ULK4: variants seen among roughly 807,000 people sequenced by gnomAD.
The protein encoded by ULK4 is unc-51 like kinase 4.
In ULK4, 133 loss-of-function variants were observed where a neutral mutation model predicts 160.6. The observed-to-expected ratio is 0.83, with a 90% CI of 0.72 to 0.96. The LOEUF is 0.96. ULK4 is among the 40% of genes least tolerant of loss of function. ULK4 has a pLI of 0.00. For missense variants in ULK4, 1,580 were observed against 1,499.5 expected (o/e 1.05, Z -0.89); for synonymous variants, 534 against 539.8 (o/e 0.99, Z 0.15).
intron 34 of ULK4, among the ~76,000 whole-genome samples, chr3:41,434,688 C>G (rs1326433404): frequency 2.0e-5 from 3 of 152,100 alleles, no homozygotes; most frequent in African/African-American, 7.2e-5. Flanking sequence ...CAGAAGGGGG[C>G]AAATCCGCCC....
chr3:41,765,028 A>G (rs1217279432), intron 21 of ULK4, among the ~76,000 whole-genome samples: 1 of 152,136 alleles, frequency 6.6e-6, no homozygotes, highest in African/African-American at 2.4e-5. Flanking sequence ...AACTAGAAAT[A>G]CCATTTGACC....
At chr3:41,856,616 C>CACATATATATATATGTGTATATATATAT (rs2042370155) in intron 17 of ULK4, among the ~76,000 whole-genome samples, 1 of 73,398 alleles carries the variant, frequency 1.4e-5, no homozygotes, top group Non-Finnish European at 2.6e-5. Flanking sequence ...TATATATATA[C>CACATATATATATATGTGTATATATATAT]ACATATATAT....
chr3:41,709,806 A>G (rs1176879942), intron 25 of ULK4, among the ~76,000 whole-genome samples: 1 of 152,230 alleles, frequency 6.6e-6, no homozygotes, highest in Non-Finnish European at 1.5e-5. Context: ...ATGTTGAATA[A>G]GAAACTCAGA....
chr3:41,487,599 G>A (rs1340016740), intron 32 of ULK4, among the ~76,000 whole-genome samples: 1 of 152,046 alleles, frequency 6.6e-6, no homozygotes, highest in East Asian at 1.9e-4. Flanking sequence ...CAAATTCTAT[G>A]AGGAATAAGT....
At chr3:41,596,965 C>T (rs1317539859) in intron 31 of ULK4, among the ~76,000 whole-genome samples, 1 of 152,144 alleles carries the variant, frequency 6.6e-6, no homozygotes, top group East Asian at 1.9e-4. Flanking sequence ...TTAGTAGCAT[C>T]CCTGACTTCT....
At chr3:41,886,409 G>A (rs9839101) in intron 16 of ULK4, among the ~76,000 whole-genome samples, 132,810 of 152,070 alleles carry the variant, frequency 0.87, 59,678 homozygotes, top group Non-Finnish European at 0.98. Context: ...CAAAATAACT[G>A]AACACACTAG....
chr3:41,773,603 T>G (rs2039488783), intron 21 of ULK4, among the ~76,000 whole-genome samples: 1 of 152,300 alleles, frequency 6.6e-6, no homozygotes, highest in Non-Finnish European at 1.5e-5. Context: ...CATTCCATGC[T>G]CATGGATAGG....
chr3:41,867,304 C>A (rs1696927515), intron 17 of ULK4, among the ~76,000 whole-genome samples: 1 of 152,180 alleles, frequency 6.6e-6, no homozygotes, highest in African/African-American at 2.4e-5. Context: ...AGGGCACTTA[C>A]CGGAAATGCG....
rs567853133 is a variant in ULK4, at chr3:41,357,426, G to A, written c.3678+40653C>T. On this transcript the variant is annotated intron_variant, in intron 35 of 36. Coordinates refer to ENST00000301831, the MANE Select transcript of ULK4 (RefSeq NM_017886.4). The stretch of plus-strand genomic sequence containing the variant: ...GGGTAGAACGCTCTCCGGAGTGCTC[G>A]GCTGGCAGGAACACCCCACAGCCTA... Among the ~76,000 whole-genome samples the A allele has an allele frequency of 7.9e-5, 12 of 152,172 alleles. No individual in the cohort carries two copies. The South Asian group carries it at 1.7e-3, about 21-fold the overall frequency.
intron 32 of ULK4, among the ~76,000 whole-genome samples, chr3:41,560,172 T>C (rs1272582660): frequency 3.3e-5 from 5 of 152,214 alleles, no homozygotes; most frequent in African/African-American, 1.2e-4. Context: ...CAGATGGTTG[T>C]AGATGAGTGG....
intron 18 of ULK4, among the ~76,000 whole-genome samples, chr3:41,825,270 G>A (rs1188828784): frequency 6.6e-6 from 1 of 152,218 alleles, no homozygotes; most frequent in African/African-American, 2.4e-5. Context: ...CTCCTCCAAA[G>A]GAATGCAGCT....
At position 41,705,131 on chromosome 3, in the gene ULK4, A is replaced by G. The variant is rs753913138; in HGVS notation, c.2707T>C (p.Phe903Leu). The G allele has an allele frequency of 6.2e-7, 1 of 1,613,874 alleles. No homozygotes were observed. Residue 903 changes from phenylalanine (F) to leucine (L), a missense_variant, in exon 27 of 37, where the codon TTT becomes CTT. Coordinates refer to ENST00000301831, the MANE Select transcript of ULK4 (RefSeq NM_017886.4). ...AAAGCTGACAATGTGATCTTGATAA[A>G]TTCTTCTGATGCTGTCAGTCCTAGA... ...GAIGLTASEE[F>L]IKITLSAFEA...
At chr3:41,908,603 A>G (rs1698662390) in intron 11 of ULK4, among the ~76,000 whole-genome samples, 1 of 151,872 alleles carries the variant, frequency 6.6e-6, no homozygotes, top group African/African-American at 2.4e-5. Context: ...CCGCCACTGC[A>G]CCAGGCTAAT....
chr3:41,505,650 T>A (rs2085349823), intron 32 of ULK4, among the ~76,000 whole-genome samples: 5 of 152,196 alleles, frequency 3.3e-5, no homozygotes, highest in Admixed American at 3.3e-4. Context: ...AGCAATTGAT[T>A]TTTTTATATT....
At chr3:41,755,845 T>C (rs2038781775) in intron 21 of ULK4, among the ~76,000 whole-genome samples, 1 of 152,200 alleles carries the variant, frequency 6.6e-6, no homozygotes, top group African/African-American at 2.4e-5. Context: ...GAATCAATGT[T>C]AGTTTCTTGA....
intron 35 of ULK4, among the ~76,000 whole-genome samples, chr3:41,253,648 G>C (rs565434028): frequency 6.6e-6 from 1 of 152,110 alleles, no homozygotes; most frequent in East Asian, 1.9e-4. Context: ...CAAATAAAAA[G>C]GCAAACTACA....
At chr3:41,307,834 A>G (rs2079978051) in intron 35 of ULK4, among the ~76,000 whole-genome samples, 1 of 152,168 alleles carries the variant, frequency 6.6e-6, no homozygotes, top group Non-Finnish European at 1.5e-5. Flanking sequence ...CGTTTCATAC[A>G]TACATACATA....
At position 41,613,648 on chromosome 3, in the gene ULK4, G is replaced by C. The variant is rs571415807; in HGVS notation, c.3120+2021C>G. ...AAAGATATTTCATCGATTGAAAAAT[G>C]TATTTCTACACAGAAAAAAGTTGAG... On this transcript the variant is annotated intron_variant, in intron 31 of 36. Coordinates refer to ENST00000301831, the MANE Select transcript of ULK4 (RefSeq NM_017886.4). Among the ~76,000 whole-genome samples, 96 of 152,300 alleles carry C rather than the reference G, an allele frequency of 6.3e-4. 2 individuals are homozygous for C. Among genetic ancestry groups the C allele is most frequent in the African/African-American group, 2.3e-3 (96 of 41,558 alleles).
intron 21 of ULK4, among the ~76,000 whole-genome samples, chr3:41,757,305 C>T (rs189875974): frequency 6.6e-5 from 10 of 152,112 alleles, no homozygotes; most frequent in South Asian, 4.2e-4. Context: ...ATAAAGAAAA[C>T]GAAAAATGAA....
Sources: allele counts gnomAD v4.1 joint callset (sites outside exome capture counted in the v4.1 genomes callset), GRCh38; gene constraint gnomAD v4.1.1; transcripts MANE v1.5; gene names NCBI Gene and HGNC (gene_info 2026-07-23, HGNC 2026-07-21).